Variants in DSCAM observed in about 807,000 individuals in gnomAD.
DSCAM encodes DS cell adhesion molecule, also known as cell adhesion molecule DSCAM.
DSCAM carries 47 observed loss-of-function variants against 217.7 expected under a neutral mutation model. That is an observed-to-expected ratio of 0.22 (90% confidence interval 0.17 to 0.28). DSCAM has a LOEUF of 0.28. Ranked by LOEUF, DSCAM falls within the 10% of genes least tolerant of loss-of-function variation. The pLI is 1.00. For missense variants in DSCAM, 2,080 were observed against 2,618.3 expected (o/e 0.79, Z 4.49); for synonymous variants, 1,056 against 1,015.3 (o/e 1.04, Z -0.76).
At chr21:40,329,935 A>C (rs2074358497) in intron 8 of DSCAM, among the ~76,000 whole-genome samples, 2 of 151,908 alleles carry the variant, frequency 1.3e-5, no homozygotes, top group African/African-American at 4.8e-5. Flanking sequence ...CAGGAGGAAA[A>C]GTCCAAGAGA....
intron 32 of DSCAM, among the ~76,000 whole-genome samples, chr21:40,036,541 A>G (rs2088627150): frequency 6.8e-6 from 1 of 146,842 alleles, no homozygotes; most frequent in Admixed American, 6.7e-5. Flanking sequence ...ACCAACCAAA[A>G]AGAGTCCAGG....
Position 40,093,848 on chromosome 21 carries a change from G to A in DSCAM, c.3723C>T (p.Pro1241=), listed in dbSNP as rs773496233. The change falls in exon 21 of 33, where the codon CCC becomes CCT. Residue 1241 remains proline (P), a synonymous_variant. Coordinates refer to ENST00000400454, the MANE Select transcript of DSCAM (RefSeq NM_001389.5). ...TGGGAATTCTGTAGGAAAACGAGTC[G>A]GGAGAGGCCTCAAACTCGCTGATCA... ...PTVISEFEAS[P]DSFSYRIPNL... 2.6e-5 allele frequency: 42 copies of A among 1,613,628 alleles called. No homozygotes were observed. The highest frequency in any genetic ancestry group is 3.1e-5 in the Non-Finnish European group (36 of 1,179,912).
At chr21:40,232,717 C>A (rs1309936104) in intron 11 of DSCAM, among the ~76,000 whole-genome samples, 1 of 152,170 alleles carries the variant, frequency 6.6e-6, no homozygotes, top group African/African-American at 2.4e-5. Flanking sequence ...TGAGATATAG[C>A]ATATTAGTAT....
intron 3 of DSCAM, among the ~76,000 whole-genome samples, chr21:40,386,353 T>C (rs1359811640): frequency 2.0e-5 from 3 of 152,362 alleles, no homozygotes; most frequent in Non-Finnish European, 2.9e-5. Flanking sequence ...TTGAGGGCAG[T>C]TGAAGAACCT....
chr21:40,264,925 A>G (rs73369825), intron 11 of DSCAM, among the ~76,000 whole-genome samples: 6,150 of 151,828 alleles, frequency 0.041, 351 homozygotes, highest in East Asian at 0.22. Flanking sequence ...CAGGCTGGGC[A>G]TGGTGGCTCA....
chr21:40,522,051 G>C (rs565573991), intron 3 of DSCAM, among the ~76,000 whole-genome samples: 1 of 152,086 alleles, frequency 6.6e-6, no homozygotes, highest in East Asian at 1.9e-4. Flanking sequence ...CTCCCTCCCC[G>C]AGAAAAAGAA....
chr21:40,517,034 T>A (rs959093443), intron 3 of DSCAM, among the ~76,000 whole-genome samples: 2 of 147,838 alleles, frequency 1.4e-5, no homozygotes, highest in Admixed American at 1.4e-4. Context: ...CATATGTATA[T>A]ATATATATAC....
At chr21:40,423,129 A>G (rs2837622) in intron 3 of DSCAM, among the ~76,000 whole-genome samples, 58,513 of 152,108 alleles carry the variant, frequency 0.38, 12,896 homozygotes, top group South Asian at 0.48. Context: ...ATAAAAGTCC[A>G]GAGGGCATAG....
At chr21:40,841,823 T>C (rs1348480717) in intron 1 of DSCAM, among the ~76,000 whole-genome samples, 1 of 152,228 alleles carries the variant, frequency 6.6e-6, no homozygotes, top group Non-Finnish European at 1.5e-5. Flanking sequence ...CGCTACCCGC[T>C]GCAACACCTG....
intron 18 of DSCAM, 92 bp from the exon 19 acceptor site, chr21:40,134,101 TG>T: frequency 6.9e-7 from 1 of 1,459,636 alleles, no homozygotes. Flanking sequence ...CCCTGTGCCA[TG>T]CCATCACCCG....
chr21:40,375,359 G>A (rs2074939867), intron 3 of DSCAM, among the ~76,000 whole-genome samples: 1 of 152,194 alleles, frequency 6.6e-6, no homozygotes, highest in Non-Finnish European at 1.5e-5. Context: ...ACTTATGATG[G>A]TCTATGATAG....
chr21:40,659,753 G>A (rs1055458819), intron 3 of DSCAM, among the ~76,000 whole-genome samples: 2 of 152,068 alleles, frequency 1.3e-5, no homozygotes, highest in Admixed American at 6.6e-5. Context: ...ACCTGATGGG[G>A]GCAGCATCAT....
chr21:40,285,013 CTGTAACTAATACGTAATTA>C (rs1343432089), intron 10 of DSCAM, among the ~76,000 whole-genome samples: 3 of 152,208 alleles, frequency 2.0e-5, no homozygotes, highest in Non-Finnish European at 4.4e-5. Context: ...ATGTCTAATT[CTGTAACTAATACGTAATTA>C]TGTAACTAAT....
At chr21:40,530,871 C>A (rs1005659730) in intron 3 of DSCAM, among the ~76,000 whole-genome samples, 1 of 151,136 alleles carries the variant, frequency 6.6e-6, no homozygotes, top group Non-Finnish European at 1.5e-5. Flanking sequence ...CATCTCTCAG[C>A]CCTGCCTGTC....
intron 3 of DSCAM, among the ~76,000 whole-genome samples, chr21:40,684,225 AAAAAAAG>A (rs1263869287): frequency 5.9e-5 from 9 of 152,200 alleles, no homozygotes; most frequent in East Asian, 3.9e-4. Context: ...ACTCCATCAA[AAAAAAAG>A]AAAAAAGAAA....
At chr21:40,051,937 T>A in intron 30 of DSCAM, 21 bp downstream of exon 30, 1 of 1,598,270 alleles carries the variant, frequency 6.3e-7, no homozygotes, top group East Asian at 2.2e-5. Context: ...CCACACATTT[T>A]AAGCATTGTT....
chr21:40,812,984 GT>G (rs2091851565), intron 1 of DSCAM, among the ~76,000 whole-genome samples: 1 of 152,176 alleles, frequency 6.6e-6, no homozygotes, highest in African/African-American at 2.4e-5. Context: ...GGGGTAAATT[GT>G]TTTAGTGAAA....
At chr21:40,823,804 C>A (rs2091947853) in intron 1 of DSCAM, among the ~76,000 whole-genome samples, 1 of 152,102 alleles carries the variant, frequency 6.6e-6, no homozygotes, top group Admixed American at 6.6e-5. Flanking sequence ...GCCCTCTGAT[C>A]CATACATATT....
In DSCAM at chr21:40,438,654, G is replaced by A. The variant is rs565558587; in HGVS notation, c.509-69409C>T. On this transcript the variant is annotated intron_variant, in intron 3 of 32. Transcript: ENST00000400454. ...TGAGTAAAAGCTACCATGTTGGCCC[G>A]AGAAAAAGCTTTCTTTTGATGCTAA... 4.7e-4 allele frequency among the ~76,000 whole-genome samples: 71 copies of A among 152,268 alleles called. 1 individual carries two copies. In the South Asian group the frequency reaches 0.011, roughly 24 times the overall value.
Sources: gnomAD v4.1 joint callset for allele counts (sites outside exome capture counted in the v4.1 genomes callset) on GRCh38, gnomAD v4.1.1 for gene constraint, MANE v1.5 for transcripts, NCBI Gene and HGNC (gene_info 2026-07-23, HGNC 2026-07-21) for gene names.